TUSC3: variants seen among roughly 807,000 people sequenced by gnomAD.
The protein encoded by TUSC3 is tumor suppressor candidate 3, also known as dolichyl-diphosphooligosaccharide--protein glycosyltransferase subunit TUSC3.
In TUSC3, 45 loss-of-function variants were observed where a neutral mutation model predicts 44.8. The ratio of observed to expected loss-of-function variants is 1.00; its 90% CI spans 0.79 to 1.29. TUSC3 has a LOEUF of 1.29. Among genes scored for constraint, TUSC3 ranks in the 50% most tolerant of loss-of-function variants. TUSC3 has a pLI of 0.00. For missense variants in TUSC3, 519 were observed against 437.9 expected (o/e 1.19, Z -1.65); for synonymous variants, 212 against 152.9 (o/e 1.39, Z -2.85).
chr8:15,581,446 G>T (rs1470724592), intron 1 of TUSC3, among the ~76,000 whole-genome samples: 1 of 148,780 alleles, frequency 6.7e-6, no homozygotes, highest in Non-Finnish European at 1.5e-5. Flanking sequence ...CATCTTTGTG[G>T]TTTTATCTAC....
At chr8:15,654,744 C>T (rs1481601326) in intron 3 of TUSC3, among the ~76,000 whole-genome samples, 1 of 152,114 alleles carries the variant, frequency 6.6e-6, no homozygotes. Context: ...TTGCAGTGAG[C>T]CGAGATCGTG....
chr8:15,482,990 T>C (rs752043907), intron 1 of TUSC3, among the ~76,000 whole-genome samples: 1 of 150,046 alleles, frequency 6.7e-6, no homozygotes, highest in Non-Finnish European at 1.5e-5. Flanking sequence ...TAGAAAAATA[T>C]CAAGTCAAAA....
intron 1 of TUSC3, among the ~76,000 whole-genome samples, chr8:15,468,777 T>C (rs575032560): frequency 2.0e-5 from 3 of 152,072 alleles, no homozygotes; most frequent in Non-Finnish European, 4.4e-5. Flanking sequence ...TTTCAGGAGA[T>C]TCAAGGGATT....
At chr8:15,780,043 G>C in the TUSC3 span, among the ~76,000 whole-genome samples, 1 of 152,128 alleles carries the variant, frequency 6.6e-6, no homozygotes, top group African/African-American at 2.4e-5. Flanking sequence ...CACCAAACTA[G>C]CAATGTGTTA....
At chr8:15,840,135 A>C in the TUSC3 span, among the ~76,000 whole-genome samples, 1 of 152,146 alleles carries the variant, frequency 6.6e-6, no homozygotes, top group Non-Finnish European at 1.5e-5. Context: ...GACCAAAAAA[A>C]CAAACACCGC....
intron 6 of TUSC3, among the ~76,000 whole-genome samples, chr8:15,721,973 A>G (rs1429838476): frequency 6.6e-6 from 1 of 151,984 alleles, no homozygotes; most frequent in Non-Finnish European, 1.5e-5. Flanking sequence ...TTGTCTCAAC[A>G]TTTATTTGGA....
At chr8:15,488,545 A>G (rs576685144) in intron 2 of TUSC3, among the ~76,000 whole-genome samples, 42 of 152,186 alleles carry the variant, frequency 2.8e-4, no homozygotes, top group Middle Eastern at 3.4e-3. Context: ...AAAATAGACA[A>G]TGTTGTGTCC....
At chr8:15,547,147 C>T (rs1232558390) in intron 1 of TUSC3, among the ~76,000 whole-genome samples, 2 of 151,570 alleles carry the variant, frequency 1.3e-5, no homozygotes, top group African/African-American at 2.4e-5. Flanking sequence ...TTTCTTTCCC[C>T]TTGATGTTAC....
intron 1 of TUSC3, among the ~76,000 whole-genome samples, chr8:15,431,362 A>G (rs73189472): frequency 0.15 from 22,267 of 151,492 alleles, 1,984 homozygotes; most frequent in Middle Eastern, 0.22. Flanking sequence ...TTATTTGATC[A>G]TTGTTCTTTA....
chr8:15,705,468 A>G (rs1411167111), intron 6 of TUSC3, among the ~76,000 whole-genome samples: 1 of 152,132 alleles, frequency 6.6e-6, no homozygotes, highest in South Asian at 2.1e-4. Flanking sequence ...TGTAGTGTAT[A>G]TAAATAAAAA....
intron 6 of TUSC3, among the ~76,000 whole-genome samples, chr8:15,684,922 G>A (rs939970584): frequency 6.6e-6 from 1 of 152,154 alleles, no homozygotes; most frequent in African/African-American, 2.4e-5. Context: ...CTGCAAGATC[G>A]TTCAGGCAGG....
chr8:15,754,503 G>A (rs1811840330), intron 9 of TUSC3, among the ~76,000 whole-genome samples: 1 of 152,052 alleles, frequency 6.6e-6, no homozygotes, highest in Non-Finnish European at 1.5e-5. Context: ...TTCTACTTTG[G>A]ATCATACCTG....
At chr8:15,540,258 C>T (rs1801631450), upstream of TUSC3, 6 of 909,860 alleles carry the variant, frequency 6.6e-6, no homozygotes, top group African/African-American at 1.8e-5. Context: ...ACCGGATGCT[C>T]TGTCAGTCTC....
chr8:15,785,886 T>C, the TUSC3 span, among the ~76,000 whole-genome samples: 1 of 152,098 alleles, frequency 6.6e-6, no homozygotes, highest in South Asian at 2.1e-4. Context: ...AGAAGTTCTA[T>C]GCTGCATGGT....
intron 1 of TUSC3, among the ~76,000 whole-genome samples, chr8:15,565,602 T>C (rs1173670491): frequency 1.3e-5 from 2 of 152,270 alleles, no homozygotes; most frequent in East Asian, 1.9e-4. Flanking sequence ...TAGGCAGAGA[T>C]TGTATCTGTT....
chr8:15,748,671 A>G (rs1418674961), intron 9 of TUSC3: 2 of 724,224 alleles, frequency 2.8e-6, no homozygotes, highest in Non-Finnish European at 5.1e-6. Flanking sequence ...CCCTGACAGC[A>G]TGTAGTTTCT....
At chr8:15,517,971 C>T (rs1489283345) in intron 2 of TUSC3, among the ~76,000 whole-genome samples, 2 of 139,280 alleles carry the variant, frequency 1.4e-5, no homozygotes, top group Non-Finnish European at 3.1e-5. Context: ...CCTTACAACC[C>T]TCAAGAACAA....
At chr8:15,440,958 G>C (rs768796638) in intron 1 of TUSC3, among the ~76,000 whole-genome samples, 1 of 152,172 alleles carries the variant, frequency 6.6e-6, no homozygotes, top group African/African-American at 2.4e-5. Context: ...TAAGTTTTGC[G>C]GGTTCATAGA....
At chr8:15,805,878 G>A in the TUSC3 span, among the ~76,000 whole-genome samples, 21 of 152,230 alleles carry the variant, frequency 1.4e-4, no homozygotes, top group African/African-American at 4.1e-4. Flanking sequence ...AATAGTTTCA[G>A]TAGAATTAGT....
Sources: gnomAD v4.1 joint callset for allele counts (sites outside exome capture counted in the v4.1 genomes callset) on GRCh38, gnomAD v4.1.1 for gene constraint, MANE v1.5 for transcripts, NCBI Gene and HGNC (gene_info 2026-07-23, HGNC 2026-07-21) for gene names.